CCN4: variants seen among roughly 807,000 people sequenced by gnomAD.
CCN4 encodes the protein cellular communication network factor 4.
CCN4 carries 30 observed loss-of-function variants against 36.7 expected under a neutral mutation model. The ratio of observed to expected loss-of-function variants is 0.82; its 90% CI spans 0.61 to 1.11. CCN4 has a LOEUF of 1.11. Ranked by LOEUF, CCN4 falls within the 50% of genes least tolerant of loss-of-function variation. The pLI, the probability that CCN4 is intolerant of heterozygous loss-of-function variation, is 0.00. For synonymous variants in CCN4, 191 were observed against 195.4 expected (o/e 0.98, Z 0.19); for missense variants, 505 against 504.9 (o/e 1.00, Z 0.00).
chr8:133,215,824 T>G (rs1219706033), intron 2 of CCN4, among the ~76,000 whole-genome samples: 1 of 152,190 alleles, frequency 6.6e-6, no homozygotes, highest in African/African-American at 2.4e-5. Context: ...TTGAGATAAA[T>G]AAAGCTAACC....
At chr8:133,196,331 A>G (rs1396468809) in intron 1 of CCN4, among the ~76,000 whole-genome samples, 1 of 152,252 alleles carries the variant, frequency 6.6e-6, no homozygotes, top group East Asian at 1.9e-4. Flanking sequence ...CATTGATTCC[A>G]GAGACATGGT....
intron 1 of CCN4, among the ~76,000 whole-genome samples, chr8:133,202,265 T>C (rs2130545374): frequency 6.6e-6 from 1 of 152,310 alleles, no homozygotes; most frequent in East Asian, 1.9e-4. Context: ...AGGGTTATCA[T>C]ATAGTGGGCA....
At chr8:133,191,946 T>A (rs893750530) in intron 1 of CCN4, among the ~76,000 whole-genome samples, 2 of 152,108 alleles carry the variant, frequency 1.3e-5, no homozygotes, top group Non-Finnish European at 1.5e-5. Context: ...GACAAAGGTC[T>A]GCACCTCCAA....
intron 2 of CCN4, among the ~76,000 whole-genome samples, chr8:133,214,269 C>T (rs1156616187): frequency 0.015 from 1 of 66 alleles, no homozygotes; most frequent in Non-Finnish European, 0.022. Context: ...GATGATTTAG[C>T]TCCTCAATAA....
In CCN4 at chr8:133,212,535, T is replaced by C. The variant is rs550465566; in HGVS notation, c.70-329T>C. Reference sequence around the variant, plus strand: ...GCTCAGGGCCTCGGCTTTCTCCCTGTAAAGTGAGGCCACCTCCCTTACCTC... The same window carrying C: ...GCTCAGGGCCTCGGCTTTCTCCCTGCAAAGTGAGGCCACCTCCCTTACCTC... On this transcript the variant is annotated intron_variant, in intron 1 of 4. Coordinates refer to ENST00000250160, the MANE Select transcript of CCN4 (RefSeq NM_003882.4). Among the ~76,000 whole-genome samples, 54 of 151,878 alleles carry C rather than the reference T, an allele frequency of 3.6e-4. No individual in the cohort carries two copies. In the South Asian group the frequency reaches 0.011, roughly 32 times the overall value.
intron 2 of CCN4, among the ~76,000 whole-genome samples, chr8:133,213,841 T>C (rs925881000): frequency 7.6e-6 from 1 of 131,696 alleles, no homozygotes; most frequent in Admixed American, 7.8e-5. Context: ...AAATATACTA[T>C]ATATACACTA....
chr8:133,216,739 T>C (rs58341453), intron 2 of CCN4, among the ~76,000 whole-genome samples: 3,069 of 152,244 alleles, frequency 0.02, 95 homozygotes, highest in African/African-American at 0.069. Flanking sequence ...CAGACTTGAG[T>C]TTTAGATCCT....
In CCN4 at chr8:133,214,196, G is replaced by A. The variant is rs1266954273; in HGVS notation, c.349+1053G>A. ...TGCTACTATAAAATGTATGTGTTCTGCTATATATTAATTGCCTTGATATAT... is the reference window on the plus strand; with the variant it reads ...TGCTACTATAAAATGTATGTGTTCTACTATATATTAATTGCCTTGATATAT... On this transcript the variant is annotated intron_variant, in intron 2 of 4. Transcript: ENST00000250160. Among the ~76,000 whole-genome samples the A allele has an allele frequency of 1.0e-4, 15 of 145,436 alleles. No homozygotes were observed. The Admixed American group carries it at 1.0e-3, about 10-fold the overall frequency.
intron 1 of CCN4, among the ~76,000 whole-genome samples, chr8:133,198,069 T>C (rs1312047023): frequency 6.6e-6 from 1 of 152,172 alleles, no homozygotes; most frequent in Non-Finnish European, 1.5e-5. Flanking sequence ...GTACTCACTT[T>C]CTCATCTTGA....
At chr8:133,191,291 G>A in intron 1 of CCN4, 78 bp downstream of exon 1, 4 of 1,489,716 alleles carry the variant, frequency 2.7e-6, no homozygotes, top group Non-Finnish European at 3.6e-6. Context: ...GGGCTGGTGG[G>A]CAGGATGAAA....
chr8:133,197,208 G>A (rs1853423124), intron 1 of CCN4, among the ~76,000 whole-genome samples: 1 of 151,912 alleles, frequency 6.6e-6, no homozygotes, highest in Non-Finnish European at 1.5e-5. Flanking sequence ...TTTTTCCATG[G>A]ACCCCAACAG....
intron 3 of CCN4, among the ~76,000 whole-genome samples, chr8:133,222,744 G>A (rs1284881008): frequency 1.3e-5 from 2 of 151,536 alleles, no homozygotes; most frequent in Non-Finnish European, 2.9e-5. Context: ...TACGAGGCAA[G>A]CAGTAGAGAG....
At chr8:133,212,805 T>C (rs1588194762) in intron 1 of CCN4, 59 bp from the exon 2 acceptor site, 6 of 1,347,298 alleles carry the variant, frequency 4.5e-6, no homozygotes, top group Admixed American at 2.3e-5. Context: ...GGCAGGGCCC[T>C]TTGGGCGTTG....
intron 1 of CCN4, among the ~76,000 whole-genome samples, chr8:133,205,467 G>T (rs1853737499): frequency 1.3e-5 from 2 of 152,056 alleles, no homozygotes; most frequent in African/African-American, 4.8e-5. Flanking sequence ...TCTGTTGTTG[G>T]ACAGAATGAT....
intron 1 of CCN4, among the ~76,000 whole-genome samples, chr8:133,205,383 T>TC (rs1253282745): frequency 2.0e-5 from 3 of 152,234 alleles, no homozygotes; most frequent in Non-Finnish European, 4.4e-5. Flanking sequence ...GTCTTTTTTT[T>TC]CCCCCTCCTC....
At position 133,225,466 on chromosome 8, in the gene CCN4, C is replaced by G; in HGVS notation, c.687C>G (p.Ser229Arg). The G allele has an allele frequency of 1.2e-6, 2 of 1,614,112 alleles. No individual in the cohort carries two copies. The highest frequency in any genetic ancestry group is 1.7e-6 in the Non-Finnish European group (2 of 1,179,984). The change falls in exon 4 of 5, where the codon AGC (serine) becomes AGG (arginine). Residue 229 changes from serine (S) to arginine (R), a missense_variant. Ser to Arg is a moderately radical substitution (Grantham distance 110, BLOSUM62 -1). Transcript: ENST00000250160. The stretch of plus-strand genomic sequence containing the variant: ...GCCCCTGGAGCCCTTGCTCCACCAG[C>G]TGCGGCCTGGGGGTCTCCACTCGGA... Reference protein sequence around the residue: ...YTSPWSPCSTSCGLGVSTRIS... With the variant: ...YTSPWSPCSTRCGLGVSTRIS...
intron 3 of CCN4, among the ~76,000 whole-genome samples, chr8:133,223,049 C>T (rs1022094924): frequency 2.6e-5 from 4 of 152,026 alleles, no homozygotes; most frequent in African/African-American, 9.7e-5. Context: ...AAATCATCTC[C>T]AGACCTTTCC....
intron 3 of CCN4, among the ~76,000 whole-genome samples, chr8:133,223,112 TAGG>T (rs1403289925): frequency 6.6e-6 from 1 of 151,922 alleles, no homozygotes; most frequent in Non-Finnish European, 1.5e-5. Context: ...CCTGTGAGGA[TAGG>T]AGGAGGCGTG....
chr8:133,195,916 C>T (rs1330217135), intron 1 of CCN4, among the ~76,000 whole-genome samples: 1 of 152,224 alleles, frequency 6.6e-6, no homozygotes, highest in Non-Finnish European at 1.5e-5. Context: ...GGGAGGCAAA[C>T]TCCAAGGGAG....
Sources: gnomAD v4.1 joint callset for allele counts (sites outside exome capture counted in the v4.1 genomes callset) on GRCh38, gnomAD v4.1.1 for gene constraint, MANE v1.5 for transcripts, NCBI Gene and HGNC (gene_info 2026-07-23, HGNC 2026-07-21) for gene names.